SGCZ: variants seen among roughly 807,000 people sequenced by gnomAD.
SGCZ encodes the protein zeta-sarcoglycan.
In SGCZ, 40 loss-of-function variants were observed where a neutral mutation model predicts 41.3. The observed-to-expected ratio is 0.97, with a 90% CI of 0.75 to 1.26. The LOEUF (loss-of-function observed/expected upper bound fraction) is 1.26, where lower values mean the gene tolerates loss of function less well. SGCZ is among the 50% of genes most tolerant of loss of function. SGCZ has a pLI of 0.00. For synonymous variants in SGCZ, 206 were observed against 137.5 expected (o/e 1.50, Z -3.49); for missense variants, 552 against 369.8 (o/e 1.49, Z -4.04).
intron 3 of SGCZ, among the ~76,000 whole-genome samples, chr8:14,282,430 C>G (rs1800478555): frequency 6.6e-6 from 1 of 152,108 alleles, no homozygotes; most frequent in African/African-American, 2.4e-5. Flanking sequence ...ATCTCTTGAT[C>G]CCTCCCACTG....
At chr8:14,617,695 G>C (rs1022711932) in intron 1 of SGCZ, among the ~76,000 whole-genome samples, 11 of 152,120 alleles carry the variant, frequency 7.2e-5, no homozygotes, top group Non-Finnish European at 1.2e-4. Context: ...TCAAGAAAGA[G>C]TAGTATTTAG....
At chr8:14,102,824 T>C (rs1232627646) in intron 6 of SGCZ, among the ~76,000 whole-genome samples, 2 of 152,190 alleles carry the variant, frequency 1.3e-5, no homozygotes, top group African/African-American at 2.4e-5. Flanking sequence ...GTGTGATAAG[T>C]ATACTTGCTA....
chr8:15,159,253 G>C (rs1316878284), intron 1 of SGCZ, among the ~76,000 whole-genome samples: 1 of 152,154 alleles, frequency 6.6e-6, no homozygotes, highest in Non-Finnish European at 1.5e-5. Context: ...CGGAGAGCAG[G>C]CATGGGAGCT....
intron 1 of SGCZ, among the ~76,000 whole-genome samples, chr8:14,992,738 T>C (rs1272224874): frequency 9.1e-6 from 1 of 110,018 alleles, no homozygotes; most frequent in Non-Finnish European, 1.7e-5. Context: ...CCAAAACCAG[T>C]GTTCCCCCTT....
Position 14,981,674 on chromosome 8 carries a change from A to T in SGCZ, c.39+255911T>A, listed in dbSNP as rs189703639. 2.9e-3 allele frequency among the ~76,000 whole-genome samples: 449 copies of T among 152,322 alleles called. 3 individuals carry two copies. Among genetic ancestry groups the T allele is most frequent in the African/African-American group, 9.8e-3 (408 of 41,574 alleles). Reference sequence around the variant, plus strand: ...GGTGTCAACTCACCACAGCCAATGTACATGATTCTATGAACAGGATGTGTA... The same window carrying T: ...GGTGTCAACTCACCACAGCCAATGTTCATGATTCTATGAACAGGATGTGTA... On this transcript the variant is annotated intron_variant, in intron 1 of 7. Coordinates refer to ENST00000382080, the MANE Select transcript of SGCZ (RefSeq NM_139167.4).
At chr8:14,280,123 C>T (rs376008489) in intron 3 of SGCZ, among the ~76,000 whole-genome samples, 64 of 151,984 alleles carry the variant, frequency 4.2e-4, no homozygotes, top group African/African-American at 1.5e-3. Flanking sequence ...TATACTTTTA[C>T]AGTATAAGCA....
intron 3 of SGCZ, among the ~76,000 whole-genome samples, chr8:14,286,278 A>G (rs3889733): frequency 0.71 from 108,253 of 152,036 alleles, 39,852 homozygotes; most frequent in Non-Finnish European, 0.8. Flanking sequence ...CATTTTAGAC[A>G]TCTGGCTAAG....
chr8:15,124,994 G>A (rs1469975232), intron 1 of SGCZ, among the ~76,000 whole-genome samples: 1 of 152,000 alleles, frequency 6.6e-6, no homozygotes, highest in Admixed American at 6.6e-5. Flanking sequence ...ATGCTTAAAG[G>A]TTATATATAG....
At chr8:14,324,258 G>C (rs1482748033) in intron 2 of SGCZ, 54 bp from the exon 3 acceptor site, 1 of 1,327,786 alleles carries the variant, frequency 7.5e-7, no homozygotes, top group Non-Finnish European at 1.1e-6. Flanking sequence ...ATGAATATCT[G>C]GCCATAATTT....
intron 1 of SGCZ, among the ~76,000 whole-genome samples, chr8:15,098,940 C>G (rs1806494764): frequency 1.3e-5 from 2 of 152,228 alleles, no homozygotes; most frequent in South Asian, 2.1e-4. Context: ...TGCCTGTAAT[C>G]CCAGCTACTC....
At chr8:14,637,638 C>T (rs1190161165) in intron 1 of SGCZ, among the ~76,000 whole-genome samples, 1 of 151,830 alleles carries the variant, frequency 6.6e-6, no homozygotes, top group Non-Finnish European at 1.5e-5. Context: ...CATGGTGCTG[C>T]AAAGGACATG....
intron 1 of SGCZ, among the ~76,000 whole-genome samples, chr8:14,941,720 T>A (rs1307107225): frequency 6.6e-6 from 1 of 151,936 alleles, no homozygotes; most frequent in African/African-American, 2.4e-5. Flanking sequence ...AGTTTGTACA[T>A]CTATTCATAC....
At chr8:15,156,389 G>A (rs992293721) in intron 1 of SGCZ, among the ~76,000 whole-genome samples, 9 of 152,264 alleles carry the variant, frequency 5.9e-5, no homozygotes, top group Middle Eastern at 3.4e-3. Context: ...CTTATCACCT[G>A]TCCTAAGAGA....
chr8:14,361,144 C>G (rs1197186194), intron 2 of SGCZ, among the ~76,000 whole-genome samples: 1 of 152,102 alleles, frequency 6.6e-6, no homozygotes, highest in Non-Finnish European at 1.5e-5. Context: ...CTTTGTTAAG[C>G]TGCTGAGTTT....
At chr8:15,073,335 G>T (rs753931598) in intron 1 of SGCZ, among the ~76,000 whole-genome samples, 17 of 152,030 alleles carry the variant, frequency 1.1e-4, no homozygotes, top group African/African-American at 3.9e-4. Flanking sequence ...TTTATTTTCC[G>T]AGTTGCTGAG....
At chr8:14,945,385 A>G (rs548525434) in intron 1 of SGCZ, among the ~76,000 whole-genome samples, 35 of 152,238 alleles carry the variant, frequency 2.3e-4, no homozygotes, top group South Asian at 1.0e-3. Context: ...TAGATACTCA[A>G]TTATAACTTA....
intron 2 of SGCZ, among the ~76,000 whole-genome samples, chr8:14,437,900 A>G (rs1352920956): frequency 2.0e-5 from 3 of 151,960 alleles, no homozygotes; most frequent in Non-Finnish European, 4.4e-5. Context: ...TCACTGACCT[A>G]TTTCATAGAT....
At chr8:14,460,077 A>G (rs570904391) in intron 2 of SGCZ, among the ~76,000 whole-genome samples, 11 of 152,172 alleles carry the variant, frequency 7.2e-5, no homozygotes, top group Non-Finnish European at 1.5e-4. Context: ...CATAGTACCT[A>G]TTTAATTTTG....
At chr8:14,824,873 T>C (rs1802242898) in intron 1 of SGCZ, among the ~76,000 whole-genome samples, 1 of 152,088 alleles carries the variant, frequency 6.6e-6, no homozygotes, top group Admixed American at 6.5e-5. Flanking sequence ...ACTACTTTGT[T>C]TTCAACTGTG....
Sources: gnomAD v4.1 joint callset for allele counts (sites outside exome capture counted in the v4.1 genomes callset) on GRCh38, gnomAD v4.1.1 for gene constraint, MANE v1.5 for transcripts, NCBI Gene and HGNC (gene_info 2026-07-23, HGNC 2026-07-21) for gene names.